DLC1: variants seen among roughly 807,000 people sequenced by gnomAD.
DLC1 encodes the protein rho GTPase-activating protein 7.
A neutral mutation model predicts 140.3 loss-of-function variants in DLC1; 54 were observed. The ratio of observed to expected loss-of-function variants is 0.38; its 90% confidence interval spans 0.31 to 0.48. DLC1 has a LOEUF of 0.48. DLC1 is among the 20% of genes least tolerant of loss of function. DLC1 has a pLI of 0.96. For missense variants in DLC1, 2,536 were observed against 1,907.0 expected (o/e 1.33, Z -6.14); for synonymous variants, 986 against 728.1 (o/e 1.35, Z -5.70).
intron 5 of DLC1, among the ~76,000 whole-genome samples, chr8:13,251,411 T>C (rs1156718219): frequency 3.3e-5 from 5 of 152,168 alleles, no homozygotes; most frequent in African/African-American, 1.2e-4. Flanking sequence ...ACCAATCTGG[T>C]ATCAATTTGG....
At chr8:13,390,251 A>G (rs1461454844) in intron 4 of DLC1, among the ~76,000 whole-genome samples, 2 of 152,174 alleles carry the variant, frequency 1.3e-5, no homozygotes, top group African/African-American at 4.8e-5. Flanking sequence ...GATTCCCCTC[A>G]AAACAAAAGT....
At chr8:13,197,178 ATC>A (rs1368407939) in intron 5 of DLC1, among the ~76,000 whole-genome samples, 1 of 152,160 alleles carries the variant, frequency 6.6e-6, no homozygotes, top group African/African-American at 2.4e-5. Context: ...TCATTGAATG[ATC>A]TTCAAAATTT....
At chr8:13,538,743 A>G (rs999302230) in intron 1 of DLC1, among the ~76,000 whole-genome samples, 1 of 152,188 alleles carries the variant, frequency 6.6e-6, no homozygotes, top group African/African-American at 2.4e-5. Flanking sequence ...TCACTCAGGT[A>G]ATAAGTGGTA....
intron 2 of DLC1, among the ~76,000 whole-genome samples, chr8:13,405,552 G>C (rs28539528): frequency 0.5 from 76,385 of 151,940 alleles, 20,086 homozygotes; most frequent in South Asian, 0.6. Flanking sequence ...TGGTAAAGTC[G>C]AGACTAGAGC....
chr8:13,339,465 T>A lies in DLC1; in HGVS notation c.1315-34163A>T, dbSNP rs562841868. On this transcript the variant is annotated intron_variant, in intron 4 of 17. Transcript: ENST00000276297. Reference sequence around the variant, plus strand: ...CTTTTAGAGACTACATCTCTAGGAATCATCACACCAGGCAACAGATTACAG... The same window carrying A: ...CTTTTAGAGACTACATCTCTAGGAAACATCACACCAGGCAACAGATTACAG... The A allele has an allele frequency of 4.6e-5, 7 of 152,352 alleles. No individual in the cohort carries two copies. The South Asian group carries it at 1.0e-3, about 23-fold the overall frequency. 9.4% of individuals were successfully genotyped at this position (152,352 alleles called of 1,614,324 possible).
chr8:13,498,831 C>T lies in DLC1; in HGVS notation c.1023+218G>A, dbSNP rs575429073. On this transcript the variant is annotated intron_variant, in intron 2 of 17. Coordinates refer to ENST00000276297, the MANE Select transcript of DLC1 (RefSeq NM_182643.3). Reference sequence around the variant, plus strand: ...AATTCTGAAATAGAATATTCATAAACCATTATACACATTATTAGTGAAACG... The same window carrying T: ...AATTCTGAAATAGAATATTCATAAATCATTATACACATTATTAGTGAAACG... 2.9e-5 allele frequency: 15 copies of T among 511,068 alleles called. No homozygotes were observed. In the South Asian group the frequency reaches 6.3e-4, roughly 21 times the overall value. 31.7% of individuals were successfully genotyped at this position (511,068 alleles called of 1,614,324 possible). A position where few individuals can be genotyped will look rare whatever the true frequency, so the allele number is the denominator to read the frequency against.
rs567422854 is a variant in DLC1 at position 13,588,386 on chromosome 8, A to G, written c.-126+16151T>C. Reference sequence around the variant, plus strand: ...CATTATTTTGAATTTGGTGTATGACATTTAGGTGAATATATTCATTCCACA... The same window carrying G: ...CATTATTTTGAATTTGGTGTATGACGTTTAGGTGAATATATTCATTCCACA... On this transcript the variant is annotated intron_variant, in intron 1 of 1. Transcript: ENST00000631382. Among the ~76,000 whole-genome samples the G allele has an allele frequency of 4.3e-4, 65 of 152,070 alleles. 1 individual carries two copies. Among genetic ancestry groups the G allele is most frequent in the Non-Finnish European group, 6.3e-4 (43 of 67,984 alleles).
At chr8:13,146,185 G>T (rs1439062015) in intron 5 of DLC1, among the ~76,000 whole-genome samples, 1 of 151,516 alleles carries the variant, frequency 6.6e-6, no homozygotes, top group African/African-American at 2.4e-5. Context: ...TGAGGCAGGA[G>T]AATCACTTGA....
chr8:13,533,263 T>C (rs1372420508), intron 1 of DLC1, among the ~76,000 whole-genome samples: 1 of 152,094 alleles, frequency 6.6e-6, no homozygotes. Flanking sequence ...TTGTGTTTTC[T>C]AATTTTGAGT....
At chr8:13,269,753 T>G (rs964348572) in intron 5 of DLC1, among the ~76,000 whole-genome samples, 2 of 139,986 alleles carry the variant, frequency 1.4e-5, no homozygotes, top group African/African-American at 5.3e-5. Context: ...ACTAAGTAAT[T>G]AGAATAAGAA....
chr8:13,432,674 G>T (rs1208112121), intron 2 of DLC1, among the ~76,000 whole-genome samples: 1 of 152,160 alleles, frequency 6.6e-6, no homozygotes, highest in South Asian at 2.1e-4. Flanking sequence ...TGAAAAAGCA[G>T]GTGAGAAAAA....
chr8:13,580,941 C>T (rs1013331890), intron 1 of DLC1, among the ~76,000 whole-genome samples: 18 of 152,140 alleles, frequency 1.2e-4, no homozygotes, highest in Non-Finnish European at 2.2e-4. Flanking sequence ...CTGAGTCTTG[C>T]ATGATTTGAG....
chr8:13,441,507 A>C (rs1421751360), intron 2 of DLC1, among the ~76,000 whole-genome samples: 1 of 152,248 alleles, frequency 6.6e-6, no homozygotes, highest in African/African-American at 2.4e-5. Context: ...CAACTTCAGC[A>C]AAGTCTCAGG....
At chr8:13,389,658 C>G (rs750452486) in intron 4 of DLC1, among the ~76,000 whole-genome samples, 1 of 152,084 alleles carries the variant, frequency 6.6e-6, no homozygotes, top group African/African-American at 2.4e-5. Context: ...CTGATGATGA[C>G]TCATCGGTCC....
intron 5 of DLC1, among the ~76,000 whole-genome samples, chr8:13,165,915 G>T (rs1032344254): frequency 6.6e-6 from 1 of 152,160 alleles, no homozygotes; most frequent in African/African-American, 2.4e-5. Context: ...GCAGATCTGG[G>T]AAAGTGTTTA....
rs1491502803 is a variant in DLC1, at chr8:13,496,785, C to CTTTTTT, written c.1023+2263_1023+2264insAAAAAA. Among the ~76,000 whole-genome samples, 27 of 8,650 alleles carry CTTTTTT rather than the reference C, an allele frequency of 3.1e-3. 10 individuals carry two copies. Among genetic ancestry groups the CTTTTTT allele is most frequent in the South Asian group, 0.013 (4 of 318 alleles). 5.7% of individuals were successfully genotyped at this position (8,650 alleles called of 152,430 possible). ...TAATTAACAAATTCTTAGACCATTT[C>CTTTTTT]CTTTTTTTTTTTTTTTTTTTTTTTT... On this transcript the variant is annotated intron_variant, in intron 2 of 17. Coordinates refer to ENST00000276297, the MANE Select transcript of DLC1 (RefSeq NM_182643.3).
At chr8:13,434,399 C>T (rs986777608) in intron 2 of DLC1, among the ~76,000 whole-genome samples, 1 of 152,152 alleles carries the variant, frequency 6.6e-6, no homozygotes, top group Non-Finnish European at 1.5e-5. Flanking sequence ...TTCTCCATTT[C>T]AATTCACAAA....
At chr8:13,362,917 C>A (rs1379806259) in intron 4 of DLC1, among the ~76,000 whole-genome samples, 7 of 152,146 alleles carry the variant, frequency 4.6e-5, no homozygotes, top group East Asian at 1.9e-4. Flanking sequence ...GAGGCCTTTC[C>A]AGACCATCCT....
intron 5 of DLC1, among the ~76,000 whole-genome samples, chr8:13,141,657 T>C (rs1823001104): frequency 6.6e-6 from 1 of 152,192 alleles, no homozygotes; most frequent in Admixed American, 6.5e-5. Flanking sequence ...CTTTCTTCGC[T>C]GCTAACTACA....
Sources: gnomAD v4.1 joint callset for allele counts (sites outside exome capture counted in the v4.1 genomes callset) on GRCh38, gnomAD v4.1.1 for gene constraint, MANE v1.5 for transcripts, NCBI Gene and HGNC (gene_info 2026-07-23, HGNC 2026-07-21) for gene names.